RASIP1: variants seen among roughly 807,000 people sequenced by gnomAD.
The protein encoded by RASIP1 is Ras interacting protein 1.
In RASIP1, 20 loss-of-function variants were observed where a neutral mutation model predicts 85.3. The observed-to-expected ratio is 0.23, with a 90% confidence interval of 0.17 to 0.34. The LOEUF is 0.34. Among genes scored for constraint, RASIP1 ranks in the 10% least tolerant of loss-of-function variants. RASIP1 has a pLI of 1.00. For synonymous variants in RASIP1, 617 were observed against 647.1 expected, an observed-to-expected ratio of 0.95 and a Z score of 0.71; for missense variants, 1,170 against 1,390.9, an observed-to-expected ratio of 0.84 and a Z score of 2.53.
At chr19:48,723,328 G>A (rs2033283312) in intron 10 of RASIP1, among the ~76,000 whole-genome samples, 1 of 152,178 alleles carries the variant, frequency 6.6e-6, no homozygotes, top group Non-Finnish European at 1.5e-5. Context: ...GGGAGGCCGA[G>A]GCAGGCGCAT....
At chr19:48,722,509 A>T (rs11882796) in intron 10 of RASIP1, among the ~76,000 whole-genome samples, 56,456 of 151,550 alleles carry the variant, frequency 0.37, 12,621 homozygotes, top group Middle Eastern at 0.59. Flanking sequence ...TTTTGTAGAG[A>T]TGGGATCTCA....
intron 4 of RASIP1, among the ~76,000 whole-genome samples, chr19:48,731,153 A>G (rs1568479943): frequency 6.6e-6 from 1 of 152,178 alleles, no homozygotes; most frequent in Non-Finnish European, 1.5e-5. Context: ...TCATGCCTAT[A>G]ATCCCAGCTA....
In RASIP1 at chr19:48,739,401, C is replaced by A; in HGVS notation, c.382G>T (p.Ala128Ser). ...GGGGGCTCGGGGGCCACGCCCGCCGCCAGCTCCGGCAGCTTCTTCTCGCTG... is the reference window on the plus strand; with the variant it reads ...GGGGGCTCGGGGGCCACGCCCGCCGACAGCTCCGGCAGCTTCTTCTCGCTG... ...WASEKKLPELAAGVAPEPPLA... is the reference protein window; with the variant it reads ...WASEKKLPELSAGVAPEPPLA... Residue 128 changes from alanine to serine, a missense_variant, in exon 3 of 12, where the codon GCG becomes TCG. Around this residue, in one of 4 missense-constraint regions of RASIP1, gnomAD observed 299 missense variants for 394.4 expected, o/e 0.76. Coordinates refer to ENST00000222145, the MANE Select transcript of RASIP1 (RefSeq NM_017805.3). The surrounding 1 kb of genome is among the most constrained non-coding windows in gnomAD (Gnocchi z 9.2). 7.4e-7 allele frequency: 1 copy of A among 1,357,300 alleles called. No individual in the cohort carries two copies. The highest frequency in any genetic ancestry group is 9.4e-7 in the Non-Finnish European group (1 of 1,060,198). 84.1% of individuals were successfully genotyped at this position (1,357,300 alleles called of 1,614,324 possible). A position where few individuals can be genotyped will look rare whatever the true frequency, so the allele number is the denominator to read the frequency against.
At chr19:48,728,796 C>G in intron 5 of RASIP1, 141 bp downstream of exon 5, 1 of 979,826 alleles carries the variant, frequency 1.0e-6, no homozygotes, top group Admixed American at 4.7e-5. Flanking sequence ...AAACAAAACC[C>G]AAAACCCCAA....
In RASIP1 at chr19:48,720,701, AG is replaced by A; in HGVS notation, c.*96del. On this transcript the variant is annotated 3_prime_UTR_variant, in exon 12 of 12. Transcript: ENST00000222145. ...ATCTCCCAACATTCCACGCGGGATA[AG>A]AACTACAACTCCCAGAAAGCTTTGC... The A allele has an allele frequency of 1.5e-6, 2 of 1,341,230 alleles. No homozygotes were observed. Among genetic ancestry groups the A allele is most frequent in the Non-Finnish European group, 2.1e-6 (2 of 948,786 alleles). 83.1% of individuals were successfully genotyped at this position (1,341,230 alleles called of 1,614,324 possible).
In RASIP1 at chr19:48,739,576, C is replaced by T; in HGVS notation, c.207G>A (p.Leu69=). The change falls in exon 3 of 12, where the codon CTG becomes CTA. Residue 69 remains leucine (L), a synonymous_variant. Coordinates refer to ENST00000222145, the MANE Select transcript of RASIP1 (RefSeq NM_017805.3). The surrounding 1 kb of genome is among the most constrained non-coding windows in gnomAD (Gnocchi z 9.2). ...PLPPPPPHVE[L]RRVGAVKAAG... Reference sequence around the variant, plus strand: ...CCGCCTTGACAGCGCCCACTCGCCGCAGCTCCACGTGCGGCGGGGGCGGAG... The same window carrying T: ...CCGCCTTGACAGCGCCCACTCGCCGTAGCTCCACGTGCGGCGGGGGCGGAG... 1 of 1,497,338 alleles carries T rather than the reference C, an allele frequency of 6.7e-7. No individual in the cohort carries two copies. Among genetic ancestry groups the T allele is most frequent in the Admixed American group, 2.2e-5 (1 of 46,270 alleles). The allele number at this position is 1,497,338 out of a possible 1,614,324, so 92.8% of individuals were successfully genotyped here.
Position 48,740,607 on chromosome 19 carries a change from C to T in RASIP1, c.-91G>A, listed in dbSNP as rs2033657576. 1 of 1,388,142 alleles carries T rather than the reference C, an allele frequency of 7.2e-7. No individual in the cohort carries two copies. Among genetic ancestry groups the T allele is most frequent in the Non-Finnish European group, 9.3e-7 (1 of 1,073,408 alleles). The allele number at this position is 1,388,142 out of a possible 1,614,324, so 86.0% of individuals were successfully genotyped here. ...CTCTTGCCTCTGCCACGGCTCCCAG[C>T]ACTGGGTGGGGGACAGGAAAAGGCA... On this transcript the variant is annotated 5_prime_UTR_variant, in exon 1 of 12. Transcript: ENST00000222145. The surrounding 1 kb of genome is among the most constrained non-coding windows in gnomAD (Gnocchi z 5.5).
At position 48,721,973 on chromosome 19, in the gene RASIP1, T is replaced by A; in HGVS notation, c.2573A>T (p.His858Leu). The A allele has an allele frequency of 6.6e-7, 1 of 1,515,004 alleles. No individual in the cohort carries two copies. Among genetic ancestry groups the A allele is most frequent in the Non-Finnish European group, 8.9e-7 (1 of 1,122,530 alleles). The allele number at this position is 1,515,004 out of a possible 1,614,324, so 93.8% of individuals were successfully genotyped here. A position where few individuals can be genotyped will look rare whatever the true frequency, so the allele number is the denominator to read the frequency against. ...KASWSSLRTD[H>L]PTLTPAQLHH... ...CAGCTGGGCGGGGGTCAAGGTGGGGTGGTCGGTTCTTAGGCTGCTCCATGA... is the reference window on the plus strand; with the variant it reads ...CAGCTGGGCGGGGGTCAAGGTGGGGAGGTCGGTTCTTAGGCTGCTCCATGA... The change falls in exon 11 of 12, where the codon CAC becomes CTC. Residue 858 changes from histidine to leucine, a missense_variant. Coordinates refer to ENST00000222145, the MANE Select transcript of RASIP1 (RefSeq NM_017805.3).
At chr19:48,731,990 C>A (rs1381689755) in intron 4 of RASIP1, among the ~76,000 whole-genome samples, 1 of 152,152 alleles carries the variant, frequency 6.6e-6, no homozygotes, top group South Asian at 2.1e-4. Context: ...CAAATGAATT[C>A]CTACAATAGA....
Position 48,735,419 on chromosome 19 carries a change from T to A in RASIP1, c.956A>T (p.Glu319Val). The A allele has an allele frequency of 6.2e-7, 1 of 1,611,290 alleles. No homozygotes were observed. Among genetic ancestry groups the A allele is most frequent in the Non-Finnish European group, 8.5e-7 (1 of 1,179,164 alleles). The change falls in exon 4 of 12, where the codon GAA becomes GTA. Residue 319 changes from glutamate to valine, a missense_variant. Glu to Val is a moderately radical substitution (Grantham distance 121, BLOSUM62 -2). Around this residue, in one of 4 missense-constraint regions of RASIP1, gnomAD observed 301 missense variants for 294.8 expected, o/e 1.02. Transcript: ENST00000222145. ...CACGCTGCGCCGCAAAGACAAGTTTTCTGAGCGCTCCTTGCCTCCAGACCC... is the reference window on the plus strand; with the variant it reads ...CACGCTGCGCCGCAAAGACAAGTTTACTGAGCGCTCCTTGCCTCCAGACCC... ...PAGSGGKERS[E>V]NLSLRRSVSE...
chr19:48,738,805 G>T lies in RASIP1; in HGVS notation c.823+155C>A. 1 of 972,758 alleles carries T rather than the reference G, an allele frequency of 1.0e-6. No individual in the cohort carries two copies. The highest frequency in any genetic ancestry group is 1.3e-6 in the Non-Finnish European group (1 of 767,016). 60.3% of individuals were successfully genotyped at this position (972,758 alleles called of 1,614,324 possible). On this transcript the variant is annotated intron_variant, in intron 3 of 11. Coordinates refer to ENST00000222145, the MANE Select transcript of RASIP1 (RefSeq NM_017805.3). This position sits in a 1 kb window ranked among gnomAD's most constrained non-coding sequence, Gnocchi z 4.0. ...CGGCCCTGCTCTAGCTCTGCCTAGA[G>T]TCCAACACGCACCGTCCAGTCCCCT... is the stretch of plus-strand genomic sequence containing the variant.
rs1045767191 is a variant in RASIP1 at position 48,738,878 on chromosome 19, ACAAGCCCCGCC to A, written c.823+71_823+81del. 48 of 786,146 alleles carry A rather than the reference ACAAGCCCCGCC, an allele frequency of 6.1e-5. No homozygotes were observed. Among genetic ancestry groups the A allele is most frequent in the African/African-American group, 1.2e-4 (3 of 25,100 alleles). The allele number at this position is 786,146 out of a possible 1,614,324, so 48.7% of individuals were successfully genotyped here. ...CGCCCCCAGCCAGCCCGCGAGTCCCACAAGCCCCGCCCAGGCCCCGCCCCACGGACCCCGCC... is the reference window on the plus strand; with the variant it reads ...CGCCCCCAGCCAGCCCGCGAGTCCCACAGGCCCCGCCCCACGGACCCCGCC... On this transcript the variant is annotated intron_variant, in intron 3 of 11. Transcript: ENST00000222145. The surrounding 1 kb of genome is among the most constrained non-coding windows in gnomAD (Gnocchi z 4.0).
At position 48,720,867 on chromosome 19, in the gene RASIP1, G is replaced by C. The variant is rs1351793012; in HGVS notation, c.2823C>G (p.Leu941=). The C allele has an allele frequency of 6.2e-7, 1 of 1,614,096 alleles. No individual in the cohort carries two copies. The highest frequency in any genetic ancestry group is 8.5e-7 in the Non-Finnish European group (1 of 1,180,024). Residue 941 remains leucine (L), a synonymous_variant, in exon 12 of 12, where the codon CTC becomes CTG. Transcript: ENST00000222145. ...GCAGCTCCTGCTGCTCAAGATCCCA[G>C]AGGAGGCGGCGGAGCCTACGGAGTT... ...HRELRRLRRL[L]WDLEQQELPA... is the part of the protein sequence containing the mutation.
At chr19:48,731,032 G>C (rs987733914) in intron 4 of RASIP1, among the ~76,000 whole-genome samples, 1 of 152,104 alleles carries the variant, frequency 6.6e-6, no homozygotes, top group South Asian at 2.1e-4. Flanking sequence ...GCCGGGCGCA[G>C]TGGAGACCAA....
chr19:48,740,322 C>G lies in RASIP1; in HGVS notation c.-4-36G>C. On this transcript the variant is annotated intron_variant, in intron 1 of 11. Transcript: ENST00000222145. This position sits in a 1 kb window ranked among gnomAD's most constrained non-coding sequence, Gnocchi z 5.5. ...GCGGGTAAGGCCCCAACTCCTAAGG[C>G]ATTCTTGTGGGGATGGGGTGGAGGG... 1 of 1,545,694 alleles carries G rather than the reference C, an allele frequency of 6.5e-7. No homozygotes were observed. Among genetic ancestry groups the G allele is most frequent in the Non-Finnish European group, 8.7e-7 (1 of 1,149,892 alleles).
Position 48,739,764 on chromosome 19 carries a change from AG to A in RASIP1, c.138-120del. 1 of 381,998 alleles carries A rather than the reference AG, an allele frequency of 2.6e-6. No homozygotes were observed. The highest frequency in any genetic ancestry group is 3.6e-6 in the Non-Finnish European group (1 of 277,888). 23.7% of individuals were successfully genotyped at this position (381,998 alleles called of 1,614,324 possible). On this transcript the variant is annotated intron_variant, in intron 2 of 11. Coordinates refer to ENST00000222145, the MANE Select transcript of RASIP1 (RefSeq NM_017805.3). This position sits in a 1 kb window ranked among gnomAD's most constrained non-coding sequence, Gnocchi z 9.2. ...AGACCCAGAGGGAGGACAGGGACCC[AG>A]GGTGGATGGACGGGGCGGGGGTGAG... is the stretch of plus-strand genomic sequence containing the variant.
chr19:48,736,065 T>G (rs531616739), intron 3 of RASIP1, among the ~76,000 whole-genome samples: 1 of 151,474 alleles, frequency 6.6e-6, no homozygotes, highest in East Asian at 2.0e-4. Context: ...CGTCTCAGCC[T>G]CCCAAAGTGC....
At position 48,739,291 on chromosome 19, in the gene RASIP1, C is replaced by T; in HGVS notation, c.492G>A (p.Val164=). The T allele has an allele frequency of 6.9e-7, 1 of 1,459,048 alleles. No individual in the cohort carries two copies. Among genetic ancestry groups the T allele is most frequent in the Non-Finnish European group, 9.0e-7 (1 of 1,114,474 alleles). The allele number at this position is 1,459,048 out of a possible 1,614,324, so 90.4% of individuals were successfully genotyped here. Residue 164 remains valine, a synonymous_variant, in exon 3 of 12, where the codon GTG becomes GTA. Coordinates refer to ENST00000222145, the MANE Select transcript of RASIP1 (RefSeq NM_017805.3). The surrounding 1 kb of genome is among the most constrained non-coding windows in gnomAD (Gnocchi z 9.2). ...GLASGANYKS[V]LATARSTARE... ...GCGCCGTGGAGCGCGCCGTGGCCAG[C>T]ACGCTCTTGTAGTTGGCGCCCGATG...
Position 48,740,573 on chromosome 19 carries a change from G to A in RASIP1, c.-57C>T. 1 of 1,391,150 alleles carries A rather than the reference G, an allele frequency of 7.2e-7. No homozygotes were observed. Among genetic ancestry groups the A allele is most frequent in the Non-Finnish European group, 9.3e-7 (1 of 1,076,732 alleles). The allele number at this position is 1,391,150 out of a possible 1,614,324, so 86.2% of individuals were successfully genotyped here. A position where few individuals can be genotyped will look rare whatever the true frequency, so the allele number is the denominator to read the frequency against. Reference sequence around the variant, plus strand: ...GCCCTGGCTCCACTGGCCTGGGTCAGTTCCACTGCTCTTGCCTCTGCCACG... The same window carrying A: ...GCCCTGGCTCCACTGGCCTGGGTCAATTCCACTGCTCTTGCCTCTGCCACG... On this transcript the variant is annotated 5_prime_UTR_variant, in exon 1 of 12. Transcript: ENST00000222145. This position sits in a 1 kb window ranked among gnomAD's most constrained non-coding sequence, Gnocchi z 5.5.
Sources: allele counts gnomAD v4.1 joint callset (sites outside exome capture counted in the v4.1 genomes callset), GRCh38; gene constraint gnomAD v4.1.1; regional missense constraint gnomAD v4.1.1; non-coding constraint Gnocchi (gnomAD v3.1); transcripts MANE v1.5; gene names NCBI Gene and HGNC (gene_info 2026-07-23, HGNC 2026-07-21).